The following ORC5 variants were observed in gnomAD, a reference collection of about 807,000 sequenced individuals.
The protein encoded by ORC5 is origin recognition complex subunit 5.
A neutral mutation model predicts 58.8 loss-of-function variants in ORC5; 39 were observed. That is an observed-to-expected ratio of 0.66 (90% confidence interval 0.51 to 0.87). The LOEUF is 0.87. Among genes scored for constraint, ORC5 ranks in the 40% least tolerant of loss-of-function variants. The probability of loss-of-function intolerance (pLI) is 0.00; values close to 1 mark genes in which losing one functional copy is unlikely to be tolerated. For synonymous variants in ORC5, 218 were observed against 177.6 expected, an observed-to-expected ratio of 1.23 and a Z score of -1.81; for missense variants, 493 against 506.3, an observed-to-expected ratio of 0.97 and a Z score of 0.25.
Position 104,200,891 on chromosome 7 carries a change from T to C in ORC5, c.233A>G (p.Asn78Ser). 1 of 1,613,832 alleles carries C rather than the reference T, an allele frequency of 6.2e-7. No homozygotes were observed. Among genetic ancestry groups the C allele is most frequent in the Non-Finnish European group, 8.5e-7 (1 of 1,179,754 alleles). ...TGAAGAACTAAGATGATTCAATTTG[T>C]TTAAAATTTGTTCCAAAAGCAGCCT... ...TLRLLLEQIL[N>S]KLNHLSSSED... Residue 78 changes from asparagine (N) to serine (S), a missense_variant, in exon 3 of 14, where the codon AAC becomes AGC. Physicochemically the swap from Asn to Ser is conservative, Grantham distance 46. Transcript: ENST00000297431.
At chr7:104,156,605 C>T (rs982157759) in intron 12 of ORC5, among the ~76,000 whole-genome samples, 2 of 151,526 alleles carry the variant, frequency 1.3e-5, no homozygotes, top group African/African-American at 4.8e-5. Flanking sequence ...AATTTATACA[C>T]AAAATAAGTT....
At chr7:104,181,716 C>T (rs951823893) in intron 8 of ORC5, among the ~76,000 whole-genome samples, 2 of 150,004 alleles carry the variant, frequency 1.3e-5, no homozygotes, top group Admixed American at 6.7e-5. Flanking sequence ...GGCGTGAACC[C>T]GGGAGGAGGA....
intron 10 of ORC5, among the ~76,000 whole-genome samples, chr7:104,166,036 A>T (rs980397773): frequency 1.1e-4 from 13 of 118,120 alleles, no homozygotes; most frequent in African/African-American, 2.8e-4. Context: ...TGTCTCAAAA[A>T]AATAAAAAAA....
Position 104,200,934 on chromosome 7 carries a change from C to A in ORC5, c.190G>T (p.Val64Phe). ...LELPHVFVNC[V>F]ECFTLRLLLE... ...AGCAGCCTCAATGTAAAGCATTCAACACAATTCACAAACACATGTGGGAGC... is the reference window on the plus strand; with the variant it reads ...AGCAGCCTCAATGTAAAGCATTCAAAACAATTCACAAACACATGTGGGAGC... The change falls in exon 3 of 14, where the codon GTT becomes TTT. Residue 64 changes from valine to phenylalanine, a missense_variant. By Grantham distance (50) the Val-to-Phe change is conservative (BLOSUM62 -1). Coordinates refer to ENST00000297431, the MANE Select transcript of ORC5 (RefSeq NM_002553.4). The A allele has an allele frequency of 1.2e-6, 2 of 1,613,262 alleles. No individual in the cohort carries two copies. The highest frequency in any genetic ancestry group is 1.3e-5 in the African/African-American group (1 of 75,010).
chr7:104,146,443 G>A (rs1021726953), intron 12 of ORC5, among the ~76,000 whole-genome samples: 9 of 152,144 alleles, frequency 5.9e-5, no homozygotes, highest in African/African-American at 2.2e-4. Context: ...TAAACAAACT[G>A]TGGTATATGT....
chr7:104,151,314 T>G (rs977626366), intron 12 of ORC5, among the ~76,000 whole-genome samples: 2 of 152,132 alleles, frequency 1.3e-5, no homozygotes, highest in African/African-American at 2.4e-5. Flanking sequence ...GGAGACCAGA[T>G]AGAAAGCTGG....
intron 6 of ORC5, among the ~76,000 whole-genome samples, chr7:104,185,784 C>A (rs1053301337): frequency 2.0e-5 from 3 of 151,620 alleles, no homozygotes; most frequent in Non-Finnish European, 4.4e-5. Context: ...ATACTAATTC[C>A]ATTTATTTAA....
intron 5 of ORC5, 69 bp downstream of exon 5, chr7:104,195,074 T>C (rs1799767466): frequency 1.3e-6 from 1 of 763,622 alleles, no homozygotes; most frequent in African/African-American, 1.9e-5. Context: ...AATATGCTAG[T>C]TTAATCTTTC....
intron 6 of ORC5, among the ~76,000 whole-genome samples, chr7:104,186,208 G>A (rs1227787278): frequency 1.3e-5 from 2 of 149,998 alleles, no homozygotes; most frequent in Admixed American, 6.6e-5. Flanking sequence ...CTTGTCTACA[G>A]ATTTTTTTTT....
chr7:104,190,255 C>T (rs1471837989), intron 5 of ORC5, among the ~76,000 whole-genome samples: 1 of 151,970 alleles, frequency 6.6e-6, no homozygotes, highest in Non-Finnish European at 1.5e-5. Flanking sequence ...GGAAAAAATA[C>T]TGTAGATTCT....
In ORC5 at chr7:104,207,848, C is replaced by A. The variant is rs942641409; in HGVS notation, c.57G>T (p.Gln19His). 6.2e-7 allele frequency: 1 copy of A among 1,614,202 alleles called. No homozygotes were observed. The highest frequency in any genetic ancestry group is 1.3e-5 in the African/African-American group (1 of 75,068). ...ACTACAATACCTCTCCAAACAAGGA[C>A]TGCAAGATGGACACTTGAGACTCGC... The part of the protein sequence containing the change: ...LCRESQVSIL[Q>H]SLFGERHHFS... The change falls in exon 1 of 14, where the codon CAG (glutamine) becomes CAT (histidine). Residue 19 changes from glutamine (Q) to histidine (H), a missense_variant. Physicochemically the swap from Gln to His is conservative, Grantham distance 24. Transcript: ENST00000297431.
At chr7:104,128,075 C>T (rs1230180052) in intron 13 of ORC5, among the ~76,000 whole-genome samples, 1 of 152,214 alleles carries the variant, frequency 6.6e-6, no homozygotes, top group Non-Finnish European at 1.5e-5. Flanking sequence ...TTTCGTTCAA[C>T]TCTAGAAACA....
intron 13 of ORC5, among the ~76,000 whole-genome samples, chr7:104,130,443 A>C (rs989112212): frequency 6.6e-6 from 1 of 151,956 alleles, no homozygotes; most frequent in South Asian, 2.1e-4. Context: ...TGAATGTTTA[A>C]CTCTCTACTG....
At chr7:104,146,802 T>C (rs1327209145) in intron 12 of ORC5, among the ~76,000 whole-genome samples, 1 of 152,072 alleles carries the variant, frequency 6.6e-6, no homozygotes, top group East Asian at 1.9e-4. Context: ...CACAAAAGAA[T>C]ACAAATAGAA....
At chr7:104,201,715 T>C (rs1257247847) in intron 2 of ORC5, among the ~76,000 whole-genome samples, 1 of 149,718 alleles carries the variant, frequency 6.7e-6, no homozygotes, top group Non-Finnish European at 1.5e-5. Context: ...TTTAATATAA[T>C]ATCCTTGAAT....
intron 12 of ORC5, among the ~76,000 whole-genome samples, chr7:104,149,850 ATGACTGAGGAATTCACAAAGAAAAAT>A (rs2115804871): frequency 6.6e-6 from 1 of 152,324 alleles, no homozygotes; most frequent in Non-Finnish European, 1.5e-5. Flanking sequence ...GTCCTACGTT[ATGACTGAGGAATTCACAAAGAAAAAT>A]AAAAAAACAA....
Position 104,183,814 on chromosome 7 carries a change from C to A in ORC5, c.824+129G>T, listed in dbSNP as rs568270326. ...GAGTTTACTACAGCATGTGCTTTCC[C>A]ATTGCAATGCCAATCCTCAAACAGA... On this transcript the variant is annotated intron_variant, in intron 8 of 13. Coordinates refer to ENST00000297431, the MANE Select transcript of ORC5 (RefSeq NM_002553.4). The A allele has an allele frequency of 7.9e-6, 5 of 631,164 alleles. No individual in the cohort carries two copies. In the African/African-American group the frequency reaches 9.3e-5, roughly 12 times the overall value. 39.1% of individuals were successfully genotyped at this position (631,164 alleles called of 1,614,324 possible).
At chr7:104,153,761 CTCAAA>C in intron 12 of ORC5, among the ~76,000 whole-genome samples, 1 of 152,198 alleles carries the variant, frequency 6.6e-6, no homozygotes, top group Admixed American at 6.6e-5. Flanking sequence ...AATGCCCACA[CTCAAA>C]TCAATTTATA....
In ORC5 at chr7:104,136,812, C is replaced by G; in HGVS notation, c.1231G>C (p.Val411Leu). The G allele has an allele frequency of 1.2e-6, 2 of 1,613,476 alleles. No homozygotes were observed. Among genetic ancestry groups the G allele is most frequent in the Non-Finnish European group, 1.7e-6 (2 of 1,179,464 alleles). Residue 411 changes from valine (V) to leucine (L), a missense_variant, in exon 13 of 14, where the codon GTG becomes CTG. By Grantham distance (32) the Val-to-Leu change is conservative. Transcript: ENST00000297431. The surrounding 1 kb of genome is among the most constrained non-coding windows in gnomAD (Gnocchi z 4.2). ...QLDGPKYKCT[V>L]SLDFIRAIAR... is the part of the protein sequence containing the mutation. ...ATAGCTCTGATGAAGTCTAGAGACA[C>G]TGTGCATTTGTATTTTGGTCCATCA...
Sources: allele counts gnomAD v4.1 joint callset (sites outside exome capture counted in the v4.1 genomes callset), GRCh38; gene constraint gnomAD v4.1.1; non-coding constraint Gnocchi (gnomAD v3.1); transcripts MANE v1.5; gene names NCBI Gene and HGNC (gene_info 2026-07-23, HGNC 2026-07-21).